The following PAPPA2 variants were observed in gnomAD, a reference collection of about 807,000 sequenced individuals.
PAPPA2 encodes the protein pappalysin-2.
In PAPPA2, 86 loss-of-function variants were observed where a neutral mutation model predicts 176.4. The ratio of observed to expected loss-of-function variants is 0.49; its 90% CI spans 0.41 to 0.58. PAPPA2 has a LOEUF of 0.58. Ranked by LOEUF, PAPPA2 falls within the 20% of genes least tolerant of loss-of-function variation. The pLI, the probability that PAPPA2 is intolerant of heterozygous loss-of-function variation, is 0.00. For missense variants in PAPPA2, 2,073 were observed against 2,256.9 expected (o/e 0.92, Z 1.65); for synonymous variants, 809 against 852.2 (o/e 0.95, Z 0.88).
In PAPPA2 at chr1:176,556,455, T is replaced by A. The variant is rs200341452; in HGVS notation, c.133T>A (p.Leu45Met). ...VEREHLNQVL[L>M]EGERCWLGAK... ...GAGGGAACACCTGAATCAGGTGCTGTTGGAAGGAGAACGTTGTTGGCTGGG... is the reference window on the plus strand; with the variant it reads ...GAGGGAACACCTGAATCAGGTGCTGATGGAAGGAGAACGTTGTTGGCTGGG... Residue 45 changes from leucine (L) to methionine (M), a missense_variant, in exon 2 of 23, where the codon TTG becomes ATG. This residue lies in a region of PAPPA2 where 1,196 missense variants were observed against 1,330.4 expected (regional missense o/e 0.90). Transcript: ENST00000367662. The A allele has an allele frequency of 2.1e-4, 333 of 1,614,090 alleles. 2 individuals carry two copies. Among genetic ancestry groups the A allele is most frequent in the Middle Eastern group, 1.6e-3 (10 of 6,062 alleles).
At chr1:176,676,398 C>G (rs1659299152) in intron 4 of PAPPA2, among the ~76,000 whole-genome samples, 1 of 151,478 alleles carries the variant, frequency 6.6e-6, no homozygotes, top group African/African-American at 2.4e-5. Flanking sequence ...AAATACTACT[C>G]AACGAAGTAT....
intron 2 of PAPPA2, among the ~76,000 whole-genome samples, chr1:176,586,408 G>A (rs1238851453): frequency 6.6e-6 from 1 of 151,996 alleles, no homozygotes; most frequent in African/African-American, 2.4e-5. Context: ...GTGGTTTCCT[G>A]CACCTATTGA....
chr1:176,771,037 G>C lies in PAPPA2; in HGVS notation c.4572G>C (p.Glu1524Asp), dbSNP rs773014646. Residue 1524 changes from glutamate to aspartate, a missense_variant, in exon 17 of 23, where the codon GAG becomes GAC. This residue lies in a region of PAPPA2 where 846 missense variants were observed against 857.9 expected (regional missense o/e 0.99). Transcript: ENST00000367662. ...TCCCTGAAGTCTACTGCAAGTTGGA[G>C]TGTGATGCTCCCCCTATTATTCTGA... Reference protein sequence around the residue: ...WSLPEVYCKLECDAPPIILNA... With the variant: ...WSLPEVYCKLDCDAPPIILNA... 3 of 1,614,132 alleles carry C rather than the reference G, an allele frequency of 1.9e-6. No homozygotes were observed. Among genetic ancestry groups the C allele is most frequent in the Non-Finnish European group, 2.5e-6 (3 of 1,180,010 alleles).
intron 1 of PAPPA2, among the ~76,000 whole-genome samples, chr1:176,482,099 A>G (rs900174473): frequency 6.6e-6 from 1 of 152,200 alleles, no homozygotes; most frequent in Non-Finnish European, 1.5e-5. Flanking sequence ...TTTGATCACA[A>G]TGCCACACCA....
At chr1:176,780,469 G>A (rs1355994966) in intron 17 of PAPPA2, among the ~76,000 whole-genome samples, 1 of 152,050 alleles carries the variant, frequency 6.6e-6, no homozygotes, top group Non-Finnish European at 1.5e-5. Flanking sequence ...GAGGTGGAGG[G>A]GATATGCATA....
At chr1:176,674,638 T>C (rs1479542240) in intron 4 of PAPPA2, among the ~76,000 whole-genome samples, 7 of 152,100 alleles carry the variant, frequency 4.6e-5, no homozygotes, top group Non-Finnish European at 1.0e-4. Context: ...ACACATATAC[T>C]GTATTTTCTT....
At chr1:176,562,000 C>T (rs756718286) in intron 2 of PAPPA2, among the ~76,000 whole-genome samples, 7 of 152,086 alleles carry the variant, frequency 4.6e-5, no homozygotes, top group Non-Finnish European at 7.4e-5. Context: ...CACTATCACA[C>T]GAACAGCACA....
At chr1:176,759,240 A>G (rs774614628) in intron 14 of PAPPA2, among the ~76,000 whole-genome samples, 21 of 152,240 alleles carry the variant, frequency 1.4e-4, no homozygotes, top group Non-Finnish European at 2.2e-4. Flanking sequence ...CTAAAGCTCA[A>G]TTAAGTGCTT....
chr1:176,551,568 G>A (rs1210926472), intron 1 of PAPPA2, among the ~76,000 whole-genome samples: 4 of 152,146 alleles, frequency 2.6e-5, no homozygotes, highest in East Asian at 1.9e-4. Context: ...GGATGCCAGC[G>A]TGGACTGGCT....
At chr1:176,635,461 G>A (rs1656641109) in intron 3 of PAPPA2, among the ~76,000 whole-genome samples, 1 of 152,158 alleles carries the variant, frequency 6.6e-6, no homozygotes, top group Admixed American at 6.5e-5. Flanking sequence ...GATGCTGTGA[G>A]TTCTCAGGTT....
chr1:176,476,069 T>C (rs1233972743), intron 1 of PAPPA2, among the ~76,000 whole-genome samples: 1 of 152,222 alleles, frequency 6.6e-6, no homozygotes, highest in African/African-American at 2.4e-5. Flanking sequence ...AAGACTATTT[T>C]ATAAAGCTGG....
intron 4 of PAPPA2, among the ~76,000 whole-genome samples, chr1:176,675,017 A>G (rs1659216380): frequency 6.6e-6 from 1 of 151,930 alleles, no homozygotes; most frequent in African/African-American, 2.4e-5. Flanking sequence ...TTTGATATGC[A>G]TTCCATCTAT....
chr1:176,502,888 A>G (rs946872837), intron 1 of PAPPA2, among the ~76,000 whole-genome samples: 12 of 152,168 alleles, frequency 7.9e-5, no homozygotes, highest in African/African-American at 2.4e-4. Flanking sequence ...CTTCCAGTTA[A>G]TAAAACCGGT....
intron 20 of PAPPA2, among the ~76,000 whole-genome samples, chr1:176,798,102 G>A (rs1460379525): frequency 6.6e-6 from 1 of 152,156 alleles, no homozygotes; most frequent in East Asian, 1.9e-4. Context: ...AAGGAGAGAT[G>A]TCAGTATAAA....
intron 17 of PAPPA2, among the ~76,000 whole-genome samples, chr1:176,773,174 G>A (rs937346697): frequency 2.6e-5 from 4 of 152,174 alleles, no homozygotes; most frequent in Non-Finnish European, 5.9e-5. Context: ...ACATTCACAA[G>A]CACCATTCTG....
rs554751809 is a variant in PAPPA2, at chr1:176,636,931, A to G, written c.1992-34039A>G. Among the ~76,000 whole-genome samples the G allele has an allele frequency of 5.3e-5, 8 of 152,270 alleles. No homozygotes were observed. In the East Asian group the frequency reaches 1.2e-3, roughly 22 times the overall value. ...ATAGATAAAATAGAAATCTGAAACA[A>G]TGTAAAATATGATTTTGTGTTAAAA... On this transcript the variant is annotated intron_variant, in intron 3 of 22. Coordinates refer to ENST00000367662, the MANE Select transcript of PAPPA2 (RefSeq NM_020318.3).
chr1:176,683,008 C>CTATT (rs71865149), intron 4 of PAPPA2, among the ~76,000 whole-genome samples: 14,325 of 140,556 alleles, frequency 0.1, 750 homozygotes, highest in East Asian at 0.14. Context: ...TTGCCCAAAG[C>CTATT]TATTTATTTA....
chr1:176,727,264 G>A (rs995743780), intron 12 of PAPPA2, among the ~76,000 whole-genome samples: 1 of 151,914 alleles, frequency 6.6e-6, no homozygotes, highest in African/African-American at 2.4e-5. Context: ...AAAACTCCAT[G>A]CAAAAGGCAG....
chr1:176,592,775 A>G (rs1653741030), intron 2 of PAPPA2, among the ~76,000 whole-genome samples: 1 of 152,174 alleles, frequency 6.6e-6, no homozygotes, highest in Non-Finnish European at 1.5e-5. Context: ...TAGTAACTCC[A>G]CGGTCCTGAT....
Sources: gnomAD v4.1 joint callset for allele counts (sites outside exome capture counted in the v4.1 genomes callset) on GRCh38, gnomAD v4.1.1 for gene constraint, gnomAD v4.1.1 regional missense constraint, MANE v1.5 for transcripts, NCBI Gene and HGNC (gene_info 2026-07-23, HGNC 2026-07-21) for gene names.